Variants in LRRC9 observed in about 807,000 individuals in gnomAD.
The protein encoded by LRRC9 is leucine rich repeat containing 9.
In LRRC9, 122 loss-of-function variants were observed where a neutral mutation model predicts 63.2. That is an observed-to-expected ratio of 1.93 (90% CI 1.67 to 2.24). The LOEUF (loss-of-function observed/expected upper bound fraction) is 2.24, where lower values mean the gene tolerates loss of function less well. Ranked by LOEUF, LRRC9 falls within the 30% of genes most tolerant of loss-of-function variation. LRRC9 has a pLI of 0.00. For missense variants in LRRC9, 1,071 were observed against 627.7 expected, an observed-to-expected ratio of 1.71 and a Z score of -7.55; for synonymous variants, 366 against 213.1, an observed-to-expected ratio of 1.72 and a Z score of -6.25.
In LRRC9 at chr14:60,001,993, A is replaced by T. The variant is rs1889414345; in HGVS notation, c.2557A>T (p.Lys853Ter). ...ATCTCTCTTACGGCATTCTAGTACTAAAGAGGAGAGACCACGGATACTTAG... is the reference window on the plus strand; with the variant it reads ...ATCTCTCTTACGGCATTCTAGTACTTAAGAGGAGAGACCACGGATACTTAG... Residue 853 changes from lysine (K) to a stop codon, truncating the protein, a stop_gained, in exon 20 of 32, where the codon AAA (lysine) becomes TAA (stop). Transcript: ENST00000445360. LOFTEE classifies it high-confidence loss of function. 1.4e-6 allele frequency: 1 copy of T among 697,948 alleles called. No homozygotes were observed. The highest frequency in any genetic ancestry group is 1.8e-5 in the African/African-American group (1 of 57,048). The allele number at this position is 697,948 out of a possible 1,614,324, so 43.2% of individuals were successfully genotyped here. A position where few individuals can be genotyped will look rare whatever the true frequency, so the allele number is the denominator to read the frequency against.
intron 29 of LRRC9, among the ~76,000 whole-genome samples, chr14:60,049,766 G>A (rs150567777): frequency 1.3e-5 from 2 of 151,918 alleles, no homozygotes; most frequent in African/African-American, 4.8e-5. Flanking sequence ...TATCTTACTG[G>A]GGTTCTCTGA....
intron 1 of LRRC9, among the ~76,000 whole-genome samples, chr14:59,920,865 T>A (rs1166399618): frequency 6.6e-6 from 1 of 152,134 alleles, no homozygotes; most frequent in East Asian, 1.9e-4. Flanking sequence ...CATTAAACAA[T>A]TTTTTTAACA....
At chr14:59,992,780 C>G (rs940874571) in intron 17 of LRRC9, among the ~76,000 whole-genome samples, 4 of 152,108 alleles carry the variant, frequency 2.6e-5, no homozygotes, top group African/African-American at 4.8e-5. Context: ...AAGAAATGAA[C>G]AAAGCCTCCA....
downstream of LRRC9, among the ~76,000 whole-genome samples, chr14:60,064,540 A>G (rs1405352076): frequency 6.6e-6 from 1 of 152,166 alleles, no homozygotes; most frequent in Non-Finnish European, 1.5e-5. Flanking sequence ...GTATGTCTTT[A>G]CTTTAATCAT....
chr14:59,977,902 A>G, intron 14 of LRRC9, 115 bp from the exon 15 acceptor site: 2 of 506,366 alleles, frequency 3.9e-6, no homozygotes, highest in Non-Finnish European at 7.0e-6. Context: ...AATCTTCAAT[A>G]ATATAACTGT....
At chr14:60,020,056 C>T (rs1048074628) in intron 26 of LRRC9, among the ~76,000 whole-genome samples, 3 of 151,808 alleles carry the variant, frequency 2.0e-5, no homozygotes, top group African/African-American at 7.2e-5. Context: ...CATAAAACCT[C>T]TACCACAATC....
rs1266133292 is a variant in LRRC9 at position 59,938,843 on chromosome 14, AT to A, written c.726+272del. On this transcript the variant is annotated intron_variant, in intron 7 of 31. Transcript: ENST00000445360. This position sits in a 1 kb window ranked among gnomAD's most constrained non-coding sequence, Gnocchi z 4.2. ...AAAACAAGAAGGAAATTGAAAAAAAATCAGTGTTAAAAATAGACTAGTGCCA... is the reference window on the plus strand; with the variant it reads ...AAAACAAGAAGGAAATTGAAAAAAAACAGTGTTAAAAATAGACTAGTGCCA... 8.2e-6 allele frequency among the ~76,000 whole-genome samples: 1 copy of A among 122,646 alleles called. No homozygotes were observed. Among genetic ancestry groups the A allele is most frequent in the African/African-American group, 3.3e-5 (1 of 30,198 alleles). 80.5% of individuals were successfully genotyped at this position (122,646 alleles called of 152,430 possible). A position where few individuals can be genotyped will look rare whatever the true frequency, so the allele number is the denominator to read the frequency against.
chr14:59,927,767 A>G lies in LRRC9; in HGVS notation c.-33-144A>G. ...ACCTCCTAACAGAAAACTCCCTCAGAGTTTATACAGATACTTGGTAATATA... is the reference window on the plus strand; with the variant it reads ...ACCTCCTAACAGAAAACTCCCTCAGGGTTTATACAGATACTTGGTAATATA... On this transcript the variant is annotated intron_variant, in intron 1 of 31. Coordinates refer to ENST00000445360, the Ensembl canonical transcript of LRRC9. This position sits in a 1 kb window ranked among gnomAD's most constrained non-coding sequence, Gnocchi z 4.4. The G allele has an allele frequency of 2.6e-6, 1 of 390,728 alleles. No homozygotes were observed. The highest frequency in any genetic ancestry group is 4.5e-6 in the Non-Finnish European group (1 of 220,220). The allele number at this position is 390,728 out of a possible 1,614,324, so 24.2% of individuals were successfully genotyped here.
chr14:59,998,336 C>A (rs1305638012), intron 18 of LRRC9, among the ~76,000 whole-genome samples: 6 of 152,012 alleles, frequency 3.9e-5, no homozygotes, highest in African/African-American at 1.2e-4. Context: ...TGTTTTAAGT[C>A]CAGAAATCAT....
chr14:59,952,354 C>G (rs1027829515), intron 8 of LRRC9, among the ~76,000 whole-genome samples: 1 of 152,192 alleles, frequency 6.6e-6, no homozygotes, highest in Non-Finnish European at 1.5e-5. Flanking sequence ...CGCCTTGCTT[C>G]GGCTCGCGCA....
chr14:60,062,195 CTG>C lies in LRRC9; in HGVS notation c.4277-1124_4277-1123del. The C allele has an allele frequency of 2.5e-6, 1 of 398,462 alleles. No individual in the cohort carries two copies. The highest frequency in any genetic ancestry group is 2.1e-5 in the African/African-American group (1 of 48,676). 24.7% of individuals were successfully genotyped at this position (398,462 alleles called of 1,614,324 possible). A position where few individuals can be genotyped will look rare whatever the true frequency, so the allele number is the denominator to read the frequency against. ...ATAAGAGAAGGTAAAGCTATTTTCT[CTG>C]TGTTTTAATATCATTTCTCATCATT... On this transcript the variant is annotated intron_variant, in intron 31 of 31. Transcript: ENST00000445360.
rs975233827 is a variant in LRRC9, at chr14:60,042,397, C to T, written c.3990+10334C>T. Among the ~76,000 whole-genome samples the T allele has an allele frequency of 6.6e-6, 1 of 152,222 alleles. No homozygotes were observed. Among genetic ancestry groups the T allele is most frequent in the African/African-American group, 2.4e-5 (1 of 41,456 alleles). The stretch of plus-strand genomic sequence containing the variant: ...CCTCCTTGAGCTGTGGTGGGCTCCA[C>T]TGAGTTCGAGCTTCCCAGCTTCTTT... On this transcript the variant is annotated intron_variant, in intron 29 of 31. Coordinates refer to ENST00000445360, the Ensembl canonical transcript of LRRC9. The surrounding 1 kb of genome is among the most constrained non-coding windows in gnomAD (Gnocchi z 4.2).
chr14:60,034,859 A>G (rs1176880159), intron 29 of LRRC9, among the ~76,000 whole-genome samples: 1 of 152,152 alleles, frequency 6.6e-6, no homozygotes, highest in African/African-American at 2.4e-5. Flanking sequence ...TTAGATACAT[A>G]CCCAGTAGTG....
chr14:59,967,070 C>A, intron 11 of LRRC9, 26 bp from the exon 12 acceptor site: 1 of 599,594 alleles, frequency 1.7e-6, no homozygotes, highest in Non-Finnish European at 3.1e-6. Context: ...AATCCTCAAA[C>A]TTTTTCTGTT....
chr14:59,991,743 C>T (rs1888134979), intron 17 of LRRC9, among the ~76,000 whole-genome samples: 3 of 151,844 alleles, frequency 2.0e-5, no homozygotes, highest in Non-Finnish European at 4.4e-5. Context: ...TGAGATCAAA[C>T]TGCAAGGCAG....
intron 13 of LRRC9, among the ~76,000 whole-genome samples, chr14:59,975,081 T>A (rs1886004627): frequency 1.0e-5 from 1 of 98,234 alleles, no homozygotes; most frequent in Non-Finnish European, 2.1e-5. Context: ...TGTGTGTGTG[T>A]GTGTAGTGTA....
intron 25 of LRRC9, among the ~76,000 whole-genome samples, chr14:60,018,802 A>G (rs1412015158): frequency 1.3e-5 from 2 of 151,898 alleles, no homozygotes; most frequent in Non-Finnish European, 2.9e-5. Context: ...TGACTCAGGC[A>G]TCTACTAAGG....
exon 12 of LRRC9, chr14:59,967,207 A>G: frequency 1.7e-6 from 1 of 601,558 alleles, no homozygotes; most frequent in East Asian, 2.8e-5. Flanking sequence ...ACAGTGAAAC[A>G]AGCAAGGTAG....
At chr14:60,001,884 T>C in intron 19 of LRRC9, 82 bp from the exon 20 acceptor site, 1 of 437,588 alleles carries the variant, frequency 2.3e-6, no homozygotes, top group Non-Finnish European at 4.0e-6. Context: ...TCATCTTCCC[T>C]GGAAACAATA....
Sources: gnomAD v4.1 joint callset for allele counts (sites outside exome capture counted in the v4.1 genomes callset) on GRCh38, gnomAD v4.1.1 for gene constraint, Gnocchi (gnomAD v3.1) non-coding constraint, MANE v1.5 for transcripts, NCBI Gene and HGNC (gene_info 2026-07-23, HGNC 2026-07-21) for gene names.